Variants in PHIP observed in about 807,000 individuals in gnomAD.
PHIP encodes PHIP subunit of CUL4-Ring ligase complex.
PHIP carries 54 observed loss-of-function variants against 236.8 expected under a neutral mutation model. The ratio of observed to expected loss-of-function variants is 0.23; its 90% confidence interval spans 0.18 to 0.29. The LOEUF (loss-of-function observed/expected upper bound fraction) is 0.29. PHIP is among the 10% of genes least tolerant of loss of function. The pLI is 1.00. For synonymous variants in PHIP, 756 were observed against 718.9 expected, an observed-to-expected ratio of 1.05 and a Z score of -0.83; for missense variants, 1,370 against 2,190.8, an observed-to-expected ratio of 0.63 and a Z score of 7.48.
rs1276466619 is a variant in PHIP, at chr6:78,983,129, G to A, written c.2538-12C>T. 7.1e-6 allele frequency: 10 copies of A among 1,413,480 alleles called. No homozygotes were observed. Among genetic ancestry groups the A allele is most frequent in the Non-Finnish European group, 9.7e-6 (10 of 1,025,790 alleles). The allele number at this position is 1,413,480 out of a possible 1,614,324, so 87.6% of individuals were successfully genotyped here. A position where few individuals can be genotyped will look rare whatever the true frequency, so the allele number is the denominator to read the frequency against. On this transcript the variant is annotated splice_polypyrimidine_tract_variant and intron_variant, in intron 22 of 39. Coordinates refer to ENST00000275034, the MANE Select transcript of PHIP (RefSeq NM_017934.7). ...CACTGGAGTAGTCACTAGAAGGAGA[G>A]AAGGGATTATTAGATAACACACAAG...
chr6:79,024,221 T>C (rs1272811831), intron 9 of PHIP, among the ~76,000 whole-genome samples: 1 of 152,250 alleles, frequency 6.6e-6, no homozygotes, highest in Non-Finnish European at 1.5e-5. Flanking sequence ...GAAGCATGTG[T>C]TGCATTACAA....
rs772600424 is a variant in PHIP, at chr6:79,019,072, G to T, written c.994+17C>A. The T allele has an allele frequency of 3.2e-6, 5 of 1,585,666 alleles. No individual in the cohort carries two copies. The highest frequency in any genetic ancestry group is 1.7e-4 in the Middle Eastern group (1 of 6,002). ...ATGAACAACTTTAAGTCGAAAATTA[G>T]AATGAGGGAAACTTACCAGCACTAA... On this transcript the variant is annotated intron_variant, in intron 10 of 39. Transcript: ENST00000275034.
chr6:78,957,645 CTAAG>C (rs753890502), intron 32 of PHIP: 34 of 149,382 alleles, frequency 2.3e-4, no homozygotes, highest in Non-Finnish European at 4.3e-4. Flanking sequence ...CTGATAACAG[CTAAG>C]TAAGCTTTTA....
At chr6:78,956,931 TTGTA>T (rs775373905) in intron 32 of PHIP, 2 of 152,086 alleles carry the variant, frequency 1.3e-5, no homozygotes, top group Non-Finnish European at 2.9e-5. Flanking sequence ...TCACATTACT[TTGTA>T]TGTATCAATT....
rs1766312884 is a variant in PHIP, at chr6:78,954,922, A to C, written c.3945T>G (p.Ser1315=). Residue 1315 remains serine (S), a synonymous_variant, in exon 35 of 40, where the codon TCT becomes TCG. Coordinates refer to ENST00000275034, the MANE Select transcript of PHIP (RefSeq NM_017934.7). ...GTTTCTTCCATGCTTGAATATCGTA[A>C]GACTGGGCTCTATTACGTAATCTTC... ...PRRRLRNRAQ[S]YDIQAWKKQC... 8 of 1,583,914 alleles carry C rather than the reference A, an allele frequency of 5.1e-6. No individual in the cohort carries two copies. In the East Asian group the frequency reaches 1.6e-4, roughly 31 times the overall value.
At chr6:78,973,028 G>A (rs1490258185) in intron 24 of PHIP, among the ~76,000 whole-genome samples, 3 of 152,030 alleles carry the variant, frequency 2.0e-5, no homozygotes, top group African/African-American at 4.8e-5. Context: ...TACAGAGAAC[G>A]CCATAAAGAT....
chr6:79,041,957 A>C (rs1772239763), intron 7 of PHIP, among the ~76,000 whole-genome samples: 2 of 152,084 alleles, frequency 1.3e-5, no homozygotes, highest in Admixed American at 1.3e-4. Flanking sequence ...TACTAAAAAG[A>C]GGAATCTATA....
chr6:78,960,861 A>T (rs1365595446), intron 31 of PHIP, among the ~76,000 whole-genome samples: 1 of 152,132 alleles, frequency 6.6e-6, no homozygotes, highest in Non-Finnish European at 1.5e-5. Context: ...TATATAGAAA[A>T]ATATTAATAC....
At position 78,998,327 on chromosome 6, in the gene PHIP, T is replaced by C; in HGVS notation, c.1944A>G (p.Gln648=). ...TCAGGTCTTGCTCCTGTTGTAGTCT[T>C]TGAATCATGCTGTCCAGTGGGCTGA... ...QEISPLDSMI[Q]RLQQEQDLRR... The change falls in exon 18 of 40, where the codon CAA becomes CAG. Residue 648 remains glutamine, a synonymous_variant. Coordinates refer to ENST00000275034, the MANE Select transcript of PHIP (RefSeq NM_017934.7). 1 of 1,613,614 alleles carries C rather than the reference T, an allele frequency of 6.2e-7. No homozygotes were observed. The highest frequency in any genetic ancestry group is 8.5e-7 in the Non-Finnish European group (1 of 1,179,594).
chr6:78,945,437 G>T lies in PHIP; in HGVS notation c.4691C>A (p.Ser1564Tyr), dbSNP rs749542883. 35 of 1,611,206 alleles carry T rather than the reference G, an allele frequency of 2.2e-5. No individual in the cohort carries two copies. The highest frequency in any genetic ancestry group is 2.7e-5 in the Non-Finnish European group (32 of 1,177,548). The change falls in exon 39 of 40, where the codon TCC becomes TAC. Residue 1564 changes from serine (S) to tyrosine (Y), a missense_variant. Physicochemically the swap from Ser to Tyr is moderately radical, Grantham distance 144. Coordinates refer to ENST00000275034, the MANE Select transcript of PHIP (RefSeq NM_017934.7). The stretch of plus-strand genomic sequence containing the variant: ...ATTCCTAGTGCCATGACTAAAACTG[G>T]ATTGACCAGGACTGGAAAGAGTATT... Reference protein sequence around the residue: ...ALNTLSSPGQSSFSHGTRNNS... With the variant: ...ALNTLSSPGQYSFSHGTRNNS...
chr6:78,969,953 T>C, intron 26 of PHIP, 36 bp from the exon 27 acceptor site: 2 of 1,542,796 alleles, frequency 1.3e-6, no homozygotes, highest in Non-Finnish European at 1.8e-6. Flanking sequence ...TTAGGTCACA[T>C]ACCTAAAAAT....
Position 79,077,432 on chromosome 6 carries a change from G to C in PHIP, c.189+16C>G. 2.5e-6 allele frequency: 4 copies of C among 1,590,946 alleles called. No individual in the cohort carries two copies. The highest frequency in any genetic ancestry group is 3.4e-6 in the Non-Finnish European group (4 of 1,163,358). ...TCAGGGAAAAGTTTCTTTGCTCTGC[G>C]ACGTGAATGTCTCACCAGATTCTGG... is the stretch of plus-strand genomic sequence containing the variant. On this transcript the variant is annotated intron_variant, in intron 4 of 39. Coordinates refer to ENST00000275034, the MANE Select transcript of PHIP (RefSeq NM_017934.7).
At chr6:79,014,685 A>G (rs997533258) in intron 15 of PHIP, among the ~76,000 whole-genome samples, 3 of 151,856 alleles carry the variant, frequency 2.0e-5, no homozygotes, top group African/African-American at 7.2e-5. Flanking sequence ...TAATTTTAAA[A>G]TCAGTGTACT....
In PHIP at chr6:78,937,135, A is replaced by G. The variant is rs921375940; in HGVS notation, c.*3558T>C. On this transcript the variant is annotated 3_prime_UTR_variant, in exon 40 of 40. Transcript: ENST00000275034. ...CTTACAGTCCTTTAATCACTCAAGT[A>G]TCTTGGTCCTTTCAACCTACTCAAA... 1 of 151,780 alleles carries G rather than the reference A, an allele frequency of 6.6e-6. No homozygotes were observed. Among genetic ancestry groups the G allele is most frequent in the African/African-American group, 2.4e-5 (1 of 41,432 alleles). The allele number at this position is 151,780 out of a possible 1,614,324, so 9.4% of individuals were successfully genotyped here. A position where few individuals can be genotyped will look rare whatever the true frequency, so the allele number is the denominator to read the frequency against.
chr6:79,077,967 G>C, intron 1 of PHIP, 54 bp from the exon 2 acceptor site: 2 of 1,592,136 alleles, frequency 1.3e-6, no homozygotes, highest in Non-Finnish European at 1.7e-6. Flanking sequence ...CGGGCGGCGG[G>C]GGGCGGGGGA....
intron 16 of PHIP, 26 bp downstream of exon 16, chr6:79,003,704 C>G (rs755318244): frequency 6.6e-7 from 1 of 1,521,868 alleles, no homozygotes; most frequent in South Asian, 1.3e-5. Context: ...AAAATAAGGA[C>G]ATGATATATA....
chr6:78,941,209 A>G lies in PHIP; in HGVS notation c.4950T>C (p.Asn1650=), dbSNP rs1773483940. Residue 1650 remains asparagine, a synonymous_variant, in exon 40 of 40, where the codon AAT becomes AAC. Transcript: ENST00000275034. The part of the protein sequence containing the change: ...GRKPKVEVNT[N]SGEIIHKKRG... ...TTTTCTTGTGTATAATTTCACCACT[A>G]TTGGTATTAACTTCTACTTTAGGTT... 4 of 1,613,872 alleles carry G rather than the reference A, an allele frequency of 2.5e-6. No individual in the cohort carries two copies. The highest frequency in any genetic ancestry group is 2.2e-5 in the South Asian group (2 of 91,062).
chr6:79,062,703 G>C (rs2127773804), intron 4 of PHIP, among the ~76,000 whole-genome samples: 1 of 152,222 alleles, frequency 6.6e-6, no homozygotes, highest in South Asian at 2.1e-4. Context: ...TGGTGATTTA[G>C]AATGTTTGAA....
At chr6:78,981,067 A>C (rs1329524595) in intron 23 of PHIP, among the ~76,000 whole-genome samples, 1 of 152,080 alleles carries the variant, frequency 6.6e-6, no homozygotes, top group Non-Finnish European at 1.5e-5. Context: ...GGAACTTAGA[A>C]TGTTTGGTTG....
Sources: gnomAD v4.1 joint callset for allele counts (sites outside exome capture counted in the v4.1 genomes callset) on GRCh38, gnomAD v4.1.1 for gene constraint, MANE v1.5 for transcripts, NCBI Gene and HGNC (gene_info 2026-07-23, HGNC 2026-07-21) for gene names.